The following DCLK1 variants were observed in gnomAD, a reference collection of about 807,000 sequenced individuals.
DCLK1 encodes serine/threonine-protein kinase DCLK1.
DCLK1 carries 16 observed loss-of-function variants against 86.2 expected under a neutral mutation model. The ratio of observed to expected loss-of-function variants is 0.19; its 90% CI spans 0.13 to 0.28. DCLK1 has a LOEUF of 0.28. DCLK1 is among the 10% of genes least tolerant of loss of function. DCLK1 has a pLI of 1.00. For missense variants in DCLK1, 590 were observed against 940.2 expected (o/e 0.63, Z 4.87); for synonymous variants, 369 against 370.5 (o/e 1.00, Z 0.05).
chr13:35,950,430 A>G lies in DCLK1; in HGVS notation c.724-2973T>C, dbSNP rs545127638. ...TTGAGGCATTACTGTACATTCTGATATTAAGGAATTATAAAAAGGTGGAGG... is the reference window on the plus strand; with the variant it reads ...TTGAGGCATTACTGTACATTCTGATGTTAAGGAATTATAAAAAGGTGGAGG... On this transcript the variant is annotated intron_variant, in intron 3 of 16. Transcript: ENST00000360631. Among the ~76,000 whole-genome samples the G allele has an allele frequency of 5.3e-5, 8 of 152,348 alleles. No individual in the cohort carries two copies. In the South Asian group the frequency reaches 1.7e-3, roughly 32 times the overall value.
chr13:35,871,117 G>A (rs139215162), intron 5 of DCLK1, 107 bp downstream of exon 5: 5 of 865,248 alleles, frequency 5.8e-6, no homozygotes, highest in African/African-American at 1.7e-5. Context: ...ATTATAAACC[G>A]GAACCTACAC....
At position 35,838,461 on chromosome 13, in the gene DCLK1, T is replaced by C. The variant is rs551585275; in HGVS notation, c.1120+631A>G. Among the ~76,000 whole-genome samples the C allele has an allele frequency of 3.9e-5, 6 of 152,298 alleles. No individual in the cohort carries two copies. The South Asian group carries it at 8.3e-4, about 21-fold the overall frequency. ...GCCTTCAGGAAGGAAATAGGTGTGATTCACAATCTCCATTTCATAGGAGAG... is the reference window on the plus strand; with the variant it reads ...GCCTTCAGGAAGGAAATAGGTGTGACTCACAATCTCCATTTCATAGGAGAG... On this transcript the variant is annotated intron_variant, in intron 7 of 16. Transcript: ENST00000360631.
chr13:35,988,766 A>C (rs2153143253), intron 3 of DCLK1, among the ~76,000 whole-genome samples: 1 of 152,312 alleles, frequency 6.6e-6, no homozygotes, highest in East Asian at 1.9e-4. Flanking sequence ...ATGACGAAGG[A>C]AAGTTGCCCA....
intron 4 of DCLK1, among the ~76,000 whole-genome samples, chr13:35,934,229 C>G (rs969639165): frequency 2.0e-5 from 3 of 152,320 alleles, no homozygotes; most frequent in African/African-American, 7.2e-5. Context: ...TTCCTGTCTT[C>G]TGAGCTCTCC....
intron 3 of DCLK1, among the ~76,000 whole-genome samples, chr13:35,972,624 G>A (rs963067719): frequency 6.6e-6 from 1 of 152,126 alleles, no homozygotes; most frequent in Admixed American, 6.5e-5. Context: ...GCATGTTAGA[G>A]AGGTAGCAAG....
chr13:36,068,806 C>G (rs537788508), intron 3 of DCLK1, among the ~76,000 whole-genome samples: 1 of 152,270 alleles, frequency 6.6e-6, no homozygotes, highest in African/African-American at 2.4e-5. Flanking sequence ...ATTTCAAATC[C>G]TCTTTCCAAG....
intron 3 of DCLK1, among the ~76,000 whole-genome samples, chr13:36,057,701 G>T (rs1883388402): frequency 6.6e-6 from 1 of 152,176 alleles, no homozygotes; most frequent in Non-Finnish European, 1.5e-5. Flanking sequence ...TTATGGAATA[G>T]ATTAAAGCCA....
At chr13:35,808,649 G>T in intron 13 of DCLK1, among the ~76,000 whole-genome samples, 1 of 152,118 alleles carries the variant, frequency 6.6e-6, no homozygotes, top group Non-Finnish European at 1.5e-5. Context: ...CTGGTGTGGC[G>T]GCGCACGCCT....
chr13:36,054,620 GGACAGAGTAATGGGGATGCT>G (rs1883236930), intron 3 of DCLK1, among the ~76,000 whole-genome samples: 1 of 152,088 alleles, frequency 6.6e-6, no homozygotes, highest in African/African-American at 2.4e-5. Context: ...TAAGATAAAA[GGACAGAGTAATGGGGATGCT>G]ATTTTAGATA....
chr13:36,090,135 T>C (rs533774191), intron 3 of DCLK1, among the ~76,000 whole-genome samples: 1 of 152,308 alleles, frequency 6.6e-6, no homozygotes, highest in South Asian at 2.1e-4. Flanking sequence ...TGTAGGCTTA[T>C]CGATGTGGAA....
At chr13:35,850,806 T>G in intron 6 of DCLK1, 1 of 1,553,138 alleles carries the variant, frequency 6.4e-7, no homozygotes, top group Non-Finnish European at 8.7e-7. Context: ...ATAGATTTGT[T>G]TACTCGGCTT....
intron 3 of DCLK1, among the ~76,000 whole-genome samples, chr13:36,030,881 C>T (rs1246543019): frequency 5.3e-5 from 8 of 152,116 alleles, no homozygotes; most frequent in Non-Finnish European, 1.0e-4. Flanking sequence ...CACCAAGCCA[C>T]ACTTCCCACA....
Position 35,801,429 on chromosome 13 carries a change from C to T in DCLK1, c.1944+4270G>A, listed in dbSNP as rs1216431463. Among the ~76,000 whole-genome samples the T allele has an allele frequency of 4.7e-5, 7 of 150,474 alleles. No homozygotes were observed. In the South Asian group the frequency reaches 1.1e-3, roughly 23 times the overall value. ...TTCAAAAGTTAAGCACTCACTTAAT[C>T]GAGTCTTTAAAAAGCTTTTATTAAA... On this transcript the variant is annotated intron_variant, in intron 15 of 16. Coordinates refer to ENST00000360631, the MANE Select transcript of DCLK1 (RefSeq NM_001330071.2).
chr13:35,847,105 C>T (rs1468665725), intron 6 of DCLK1: 21 of 976,060 alleles, frequency 2.2e-5, no homozygotes, highest in Non-Finnish European at 2.3e-5. Flanking sequence ...TCATAGTATT[C>T]GATCTTGTTA....
intron 4 of DCLK1, among the ~76,000 whole-genome samples, chr13:35,944,294 A>G (rs1392859947): frequency 6.6e-6 from 1 of 152,180 alleles, no homozygotes; most frequent in Non-Finnish European, 1.5e-5. Context: ...TTGTGGCAAA[A>G]GGCCACTTCT....
intron 3 of DCLK1, among the ~76,000 whole-genome samples, chr13:36,099,259 C>T (rs570842835): frequency 5.9e-5 from 9 of 152,272 alleles, no homozygotes; most frequent in South Asian, 2.1e-4. Flanking sequence ...TGAGCCACCG[C>T]GCCCAGCATT....
chr13:35,799,817 C>A (rs950053413), intron 15 of DCLK1, among the ~76,000 whole-genome samples: 4 of 152,054 alleles, frequency 2.6e-5, no homozygotes, highest in African/African-American at 4.8e-5. Flanking sequence ...AATAAACCGT[C>A]ATTTGTGGGG....
chr13:35,918,039 A>T (rs923840640), intron 4 of DCLK1, among the ~76,000 whole-genome samples: 1 of 152,216 alleles, frequency 6.6e-6, no homozygotes, highest in African/African-American at 2.4e-5. Flanking sequence ...CTCTTCTCTA[A>T]ACACTGTTAC....
Position 36,004,565 on chromosome 13 carries a change from A to G in DCLK1, c.724-57108T>C, listed in dbSNP as rs1355556576. 2.6e-5 allele frequency among the ~76,000 whole-genome samples: 4 copies of G among 152,158 alleles called. No individual in the cohort carries two copies. The East Asian group carries it at 5.8e-4, about 22-fold the overall frequency. ...TACTCAGTGAGGCACAAAATTGCTC[A>G]CAAGTTTTTTGTTGTTGTTGTTGTT... On this transcript the variant is annotated intron_variant, in intron 3 of 16. Coordinates refer to ENST00000360631, the MANE Select transcript of DCLK1 (RefSeq NM_001330071.2).
Sources: gnomAD v4.1 joint callset for allele counts (sites outside exome capture counted in the v4.1 genomes callset) on GRCh38, gnomAD v4.1.1 for gene constraint, MANE v1.5 for transcripts, NCBI Gene and HGNC (gene_info 2026-07-23, HGNC 2026-07-21) for gene names.